The following NAV2 variants were observed in gnomAD, a reference collection of about 807,000 sequenced individuals.
The protein encoded by NAV2 is neuron navigator 2.
NAV2 carries 54 observed loss-of-function variants against 223.2 expected under a neutral mutation model. The observed-to-expected ratio is 0.24, with a 90% CI of 0.19 to 0.30. The LOEUF (loss-of-function observed/expected upper bound fraction) is 0.30, where lower values mean the gene tolerates loss of function less well. NAV2 is among the 10% of genes least tolerant of loss of function. The probability of loss-of-function intolerance (pLI) is 1.00; values close to 1 mark genes in which losing one functional copy is unlikely to be tolerated. For synonymous variants in NAV2, 1,279 were observed against 1,239.3 expected (o/e 1.03, Z -0.67); for missense variants, 2,806 against 3,147.5 (o/e 0.89, Z 2.60).
intron 1 of NAV2, among the ~76,000 whole-genome samples, chr11:19,387,474 G>A (rs1024553669): frequency 3.3e-5 from 5 of 152,138 alleles, no homozygotes; most frequent in Admixed American, 1.3e-4. Context: ...AGAAGATGCT[G>A]AGTCTCACCA....
upstream of NAV2, among the ~76,000 whole-genome samples, chr11:19,708,743 G>C (rs942466389): frequency 1.3e-5 from 2 of 152,122 alleles, no homozygotes; most frequent in African/African-American, 4.8e-5. Flanking sequence ...CAGTGGACCT[G>C]AGAGCTTTGA....
At chr11:19,499,731 A>C (rs750159598) in intron 1 of NAV2, among the ~76,000 whole-genome samples, 1 of 152,200 alleles carries the variant, frequency 6.6e-6, no homozygotes, top group Non-Finnish European at 1.5e-5. Context: ...CTATATCCTC[A>C]GTGCCTGGCC....
intron 1 of NAV2, among the ~76,000 whole-genome samples, chr11:19,477,806 G>C (rs1412101046): frequency 6.6e-6 from 1 of 152,190 alleles, no homozygotes. Context: ...GGAAACAGGA[G>C]TTTAGAGAGA....
At chr11:19,733,040 G>A (rs2042601) in intron 1 of NAV2, among the ~76,000 whole-genome samples, 89,698 of 152,120 alleles carry the variant, frequency 0.59, 28,418 homozygotes, top group African/African-American at 0.84. Flanking sequence ...GGGAGCGGCT[G>A]GGGGTGAGCC....
At chr11:19,838,879 C>T (rs892218295) in intron 2 of NAV2, among the ~76,000 whole-genome samples, 5 of 152,220 alleles carry the variant, frequency 3.3e-5, no homozygotes, top group Non-Finnish European at 7.3e-5. Flanking sequence ...CCACCTCGGC[C>T]TCCCAAAGTG....
intron 1 of NAV2, among the ~76,000 whole-genome samples, chr11:19,586,410 C>T (rs560751446): frequency 8.5e-5 from 13 of 152,270 alleles, no homozygotes; most frequent in Admixed American, 2.6e-4. Context: ...AGCTTTGTTC[C>T]GTTGCTGGTG....
At chr11:19,560,140 C>T (rs536331071) in intron 1 of NAV2, among the ~76,000 whole-genome samples, 6 of 152,126 alleles carry the variant, frequency 3.9e-5, no homozygotes, top group African/African-American at 7.2e-5. Flanking sequence ...TGCTCAGAAT[C>T]GGTGGTAAAA....
At chr11:19,374,159 C>T (rs1306233626) in intron 1 of NAV2, among the ~76,000 whole-genome samples, 1 of 152,170 alleles carries the variant, frequency 6.6e-6, no homozygotes, top group Non-Finnish European at 1.5e-5. Context: ...AAAACACATG[C>T]TTTTCTGACT....
In NAV2 at chr11:19,639,486, A is replaced by T. The variant is rs537533910; in HGVS notation, c.76-192998A>T. ...ATAGAATGGCAAAATATTTTGAGAT[A>T]TTTTAGCAACAAAGGATGTATTTAT... On this transcript the variant is annotated intron_variant, in intron 1 of 37. Coordinates refer to the NAV2 transcript ENST00000360655. 3.3e-5 allele frequency among the ~76,000 whole-genome samples: 5 copies of T among 152,332 alleles called. No homozygotes were observed. In the South Asian group the frequency reaches 1.0e-3, roughly 32 times the overall value.
At chr11:19,779,281 AGCAG>A in intron 1 of NAV2, among the ~76,000 whole-genome samples, 1 of 152,224 alleles carries the variant, frequency 6.6e-6, no homozygotes, top group Non-Finnish European at 1.5e-5. Context: ...CTGAGGGAGT[AGCAG>A]TTTCTGTCCC....
intron 1 of NAV2, among the ~76,000 whole-genome samples, chr11:19,775,755 C>T (rs2056102398): frequency 6.6e-6 from 1 of 152,098 alleles, no homozygotes; most frequent in Non-Finnish European, 1.5e-5. Context: ...AGACCATGGG[C>T]AAGTCTAGGG....
At chr11:19,714,047 G>A in intron 1 of NAV2, 85 bp downstream of exon 1, 2 of 1,522,040 alleles carry the variant, frequency 1.3e-6, no homozygotes, top group African/African-American at 2.7e-5. Flanking sequence ...AGGGCTGGAT[G>A]GGAGAAGGGT....
intron 1 of NAV2, among the ~76,000 whole-genome samples, chr11:19,747,138 G>A (rs1284047495): frequency 7.1e-6 from 1 of 140,618 alleles, no homozygotes; most frequent in Non-Finnish European, 1.5e-5. Context: ...GTGAGAACAT[G>A]CGGTATTTGG....
At chr11:19,802,220 C>A (rs2058309838) in intron 1 of NAV2, among the ~76,000 whole-genome samples, 1 of 152,010 alleles carries the variant, frequency 6.6e-6, no homozygotes, top group South Asian at 2.1e-4. Context: ...TATAGGAGGT[C>A]AGAAGGTCTT....
chr11:19,461,893 C>T (rs1244345658), intron 1 of NAV2, among the ~76,000 whole-genome samples: 1 of 152,188 alleles, frequency 6.6e-6, no homozygotes, highest in Non-Finnish European at 1.5e-5. Context: ...GCACCCTCCG[C>T]CTCCCGGATT....
At chr11:19,495,045 GC>G (rs2134105045) in intron 1 of NAV2, among the ~76,000 whole-genome samples, 1 of 152,324 alleles carries the variant, frequency 6.6e-6, no homozygotes, top group East Asian at 1.9e-4. Context: ...AAGCAGGCAG[GC>G]CTTAGGGCCT....
intron 1 of NAV2, among the ~76,000 whole-genome samples, chr11:19,435,186 A>G (rs1475833968): frequency 6.6e-6 from 1 of 152,122 alleles, no homozygotes. Flanking sequence ...ATCTAACTGA[A>G]ACTATATCCT....
At chr11:20,023,218 C>T in intron 11 of NAV2, 1 of 1,120,848 alleles carries the variant, frequency 8.9e-7, no homozygotes, top group Non-Finnish European at 1.2e-6. Flanking sequence ...TATTGAAAAG[C>T]CTGGTGGAGC....
chr11:19,733,157 AATC>A (rs2051967693), intron 1 of NAV2, among the ~76,000 whole-genome samples: 1 of 152,234 alleles, frequency 6.6e-6, no homozygotes, highest in Admixed American at 6.5e-5. Flanking sequence ...CTAATAGAAT[AATC>A]ATCAACAACC....
Sources: gnomAD v4.1 joint callset for allele counts (sites outside exome capture counted in the v4.1 genomes callset) on GRCh38, gnomAD v4.1.1 for gene constraint, MANE v1.5 for transcripts, NCBI Gene and HGNC (gene_info 2026-07-23, HGNC 2026-07-21) for gene names.